Variants in PTPN2 observed in about 807,000 individuals in gnomAD.
PTPN2 encodes the protein protein tyrosine phosphatase non-receptor type 2, also known as tyrosine-protein phosphatase non-receptor type 2.
PTPN2 carries 19 observed loss-of-function variants against 57.3 expected under a neutral mutation model. That is an observed-to-expected ratio of 0.33 (90% CI 0.23 to 0.49). PTPN2 has a LOEUF of 0.49. Among genes scored for constraint, PTPN2 ranks in the 20% least tolerant of loss-of-function variants. The pLI is 0.99. For missense variants in PTPN2, 358 were observed against 501.1 expected (o/e 0.71, Z 2.73); for synonymous variants, 153 against 164.9 (o/e 0.93, Z 0.55).
chr18:12,833,138 T>A (rs2042727521), intron 3 of PTPN2, among the ~76,000 whole-genome samples: 1 of 152,152 alleles, frequency 6.6e-6, no homozygotes, highest in South Asian at 2.1e-4. Flanking sequence ...AGCTCTTCCA[T>A]TTACCAGCAA....
intron 4 of PTPN2, among the ~76,000 whole-genome samples, chr18:12,826,556 T>C (rs1316797295): frequency 6.6e-6 from 1 of 152,160 alleles, no homozygotes; most frequent in African/African-American, 2.4e-5. Flanking sequence ...ACTGATCCAT[T>C]TTCTGTCTCC....
Position 12,793,590 on chromosome 18 carries a change from G to GA in PTPN2, c.*687dup, listed in dbSNP as rs1274214280. 2.0e-6 allele frequency: 2 copies of GA among 977,744 alleles called. No homozygotes were observed. Among genetic ancestry groups the GA allele is most frequent in the Non-Finnish European group, 2.4e-6 (2 of 822,542 alleles). The allele number at this position is 977,744 out of a possible 1,614,324, so 60.6% of individuals were successfully genotyped here. On this transcript the variant is annotated 3_prime_UTR_variant, in exon 9 of 9. Coordinates refer to ENST00000309660, the MANE Select transcript of PTPN2 (RefSeq NM_002828.4). ...ATGGGGAAAACTGTAAAACATAAAA[G>GA]AAATGCAATATATAGTAGAAATTGC... is the stretch of plus-strand genomic sequence containing the variant.
chr18:12,787,054 CAAAGTG>C (rs896140222), intron 9 of PTPN2: 4 of 152,148 alleles, frequency 2.6e-5, no homozygotes, highest in African/African-American at 9.7e-5. Flanking sequence ...TCAATTCAAT[CAAAGTG>C]AATGAAGTAA....
At chr18:12,785,927 G>T in intron 9 of PTPN2, 1 of 1,211,262 alleles carries the variant, frequency 8.3e-7, no homozygotes, top group Non-Finnish European at 1.2e-6. Context: ...AAACATAAAA[G>T]GACTAACAAT....
chr18:12,788,718 A>G (rs1366600986), downstream of PTPN2, among the ~76,000 whole-genome samples: 1 of 152,078 alleles, frequency 6.6e-6, no homozygotes, highest in African/African-American at 2.4e-5. Context: ...AACAGGAGAA[A>G]AGGCTCAGCA....
Position 12,884,065 on chromosome 18 carries a change from C to G in PTPN2, c.69+8G>C, listed in dbSNP as rs1568185070. ...GGTCGGCGACTGCCGCGTGGGTCCG[C>G]GACTCACCAAGTACAGCGGCTGCCA... On this transcript the variant is annotated splice_region_variant and intron_variant, in intron 1 of 8. Transcript: ENST00000309660. The G allele has an allele frequency of 1.9e-6, 3 of 1,570,006 alleles. No homozygotes were observed. The highest frequency in any genetic ancestry group is 2.6e-6 in the Non-Finnish European group (3 of 1,159,400).
chr18:12,870,451 A>ATGTG, intron 1 of PTPN2, among the ~76,000 whole-genome samples: 1 of 48,874 alleles, frequency 2.0e-5, no homozygotes, highest in Non-Finnish European at 3.4e-5. Context: ...GTATATATAT[A>ATGTG]TATATATATA....
chr18:12,847,084 CA>C (rs2043236021), intron 2 of PTPN2, among the ~76,000 whole-genome samples: 1 of 149,046 alleles, frequency 6.7e-6, no homozygotes, highest in African/African-American at 2.5e-5. Context: ...AAGGAATTCA[CA>C]ATGTAATAGG....
At chr18:12,827,413 A>G (rs1037792213) in intron 4 of PTPN2, among the ~76,000 whole-genome samples, 12 of 149,462 alleles carry the variant, frequency 8.0e-5, no homozygotes, top group Non-Finnish European at 1.5e-4. Flanking sequence ...TTTTTTTAAG[A>G]GACAGTGTCT....
In PTPN2 at chr18:12,794,479, T is replaced by C; in HGVS notation, c.1047A>G (p.Leu349=). 1 of 1,612,906 alleles carries C rather than the reference T, an allele frequency of 6.2e-7. No homozygotes were observed. The highest frequency in any genetic ancestry group is 8.5e-7 in the Non-Finnish European group (1 of 1,179,992). The change falls in exon 9 of 9, where the codon CTA becomes CTG. Residue 349 remains leucine, a synonymous_variant. Coordinates refer to ENST00000309660, the MANE Select transcript of PTPN2 (RefSeq NM_002828.4). ...DTMEENSESA[L]RKRIREDRKA... is the part of the protein sequence containing the mutation. ...TTCTGTCCTCTCGAATACGTTTCCG[T>C]AGAGCACTATGAGGAAATAAAAACA...
chr18:12,788,640 C>G (rs1050585698), downstream of PTPN2, among the ~76,000 whole-genome samples: 1 of 151,812 alleles, frequency 6.6e-6, no homozygotes. Context: ...CCTCACAAAC[C>G]AAGTAAACAC....
chr18:12,842,359 T>C (rs1012386480), intron 2 of PTPN2, among the ~76,000 whole-genome samples: 1 of 152,146 alleles, frequency 6.6e-6, no homozygotes, highest in Non-Finnish European at 1.5e-5. Flanking sequence ...GGACCAAATA[T>C]CTATATTGGT....
chr18:12,861,639 TG>T (rs1235756957), intron 1 of PTPN2, among the ~76,000 whole-genome samples: 1 of 152,224 alleles, frequency 6.6e-6, no homozygotes, highest in Non-Finnish European at 1.5e-5. Flanking sequence ...TGATAAGTTT[TG>T]TCGCTACTGT....
intron 7 of PTPN2, among the ~76,000 whole-genome samples, chr18:12,808,777 A>C (rs2041786251): frequency 6.6e-6 from 1 of 152,266 alleles, no homozygotes; most frequent in Admixed American, 6.5e-5. Flanking sequence ...ACTCCGTCTC[A>C]AAAGAACCAA....
intron 3 of PTPN2, among the ~76,000 whole-genome samples, chr18:12,835,749 T>C (rs1334972796): frequency 6.6e-6 from 1 of 152,186 alleles, no homozygotes; most frequent in Non-Finnish European, 1.5e-5. Flanking sequence ...ATTTGAACAC[T>C]GAGTATTATA....
chr18:12,874,450 G>C (rs1214088250), intron 1 of PTPN2, among the ~76,000 whole-genome samples: 1 of 147,220 alleles, frequency 6.8e-6, no homozygotes, highest in Admixed American at 6.7e-5. Context: ...CGTCCGGGAG[G>C]TGAGGGGCGC....
intron 3 of PTPN2, among the ~76,000 whole-genome samples, chr18:12,835,213 C>A (rs1412002393): frequency 1.3e-5 from 2 of 151,962 alleles, no homozygotes; most frequent in African/African-American, 4.8e-5. Context: ...ATAAAAAAAA[C>A]TTCCAATATT....
intron 2 of PTPN2, among the ~76,000 whole-genome samples, chr18:12,849,177 T>C (rs1430937595): frequency 6.6e-6 from 1 of 152,252 alleles, no homozygotes; most frequent in Non-Finnish European, 1.5e-5. Flanking sequence ...TGTGTCATTT[T>C]TAATCCTCAG....
At chr18:12,856,974 C>T (rs1023864127) in intron 2 of PTPN2, among the ~76,000 whole-genome samples, 4 of 149,322 alleles carry the variant, frequency 2.7e-5, no homozygotes, top group African/African-American at 9.9e-5. Context: ...GCAGGAGAAT[C>T]GCTTGAATCC....
Sources: allele counts gnomAD v4.1 joint callset (sites outside exome capture counted in the v4.1 genomes callset), GRCh38; gene constraint gnomAD v4.1.1; transcripts MANE v1.5; gene names NCBI Gene and HGNC (gene_info 2026-07-23, HGNC 2026-07-21).